The following PWP1 variants were observed in gnomAD, a reference collection of about 807,000 sequenced individuals.
The protein encoded by PWP1 is periodic tryptophan protein 1 homolog.
In PWP1, 47 loss-of-function variants were observed where a neutral mutation model predicts 69.9. The observed-to-expected ratio is 0.67, with a 90% CI of 0.53 to 0.86. PWP1 has a LOEUF of 0.86. Among genes scored for constraint, PWP1 ranks in the 40% least tolerant of loss-of-function variants. The pLI is 0.00. For synonymous variants in PWP1, 222 were observed against 208.2 expected, an observed-to-expected ratio of 1.07 and a Z score of -0.57; for missense variants, 551 against 608.8, an observed-to-expected ratio of 0.91 and a Z score of 1.00.
Position 107,712,543 on chromosome 12 carries a change from T to TA in PWP1, c.*327dup. The TA allele has an allele frequency of 5.6e-6, 1 of 178,540 alleles. No individual in the cohort carries two copies. Among genetic ancestry groups the TA allele is most frequent in the Non-Finnish European group, 1.2e-5 (1 of 84,698 alleles). 11.1% of individuals were successfully genotyped at this position (178,540 alleles called of 1,614,324 possible). A position where few individuals can be genotyped will look rare whatever the true frequency, so the allele number is the denominator to read the frequency against. ...AGTAATTTATAGAATTTTTAAAGCG[T>TA]AAAATCCGGTAATATTAAAAGATAG... On this transcript the variant is annotated 3_prime_UTR_variant, in exon 15 of 15. Transcript: ENST00000412830.
At chr12:107,688,940 C>A in intron 3 of PWP1, 138 bp downstream of exon 3, 1 of 850,720 alleles carries the variant, frequency 1.2e-6, no homozygotes, top group Non-Finnish European at 1.8e-6. Flanking sequence ...CTTGGGCAGA[C>A]AGCATGATTC....
intron 11 of PWP1, 59 bp downstream of exon 11, chr12:107,704,806 CATAGT>C (rs1181829305): frequency 7.3e-7 from 1 of 1,366,374 alleles, no homozygotes; most frequent in Non-Finnish European, 1.0e-6. Flanking sequence ...TTTTAAATTC[CATAGT>C]AGAGAGAATT....
chr12:107,692,670 G>A lies in PWP1; in HGVS notation c.320-144G>A, dbSNP rs1047461862. ...CTTTTAAATTCCTGCTGCTGCTTACGTAGTTTCCTTTCCCAACTCTAGATG... is the reference window on the plus strand; with the variant it reads ...CTTTTAAATTCCTGCTGCTGCTTACATAGTTTCCTTTCCCAACTCTAGATG... On this transcript the variant is annotated intron_variant, in intron 3 of 14. Coordinates refer to ENST00000412830, the MANE Select transcript of PWP1 (RefSeq NM_007062.3). The A allele has an allele frequency of 1.8e-5, 12 of 665,564 alleles. 1 individual carries two copies. The highest frequency in any genetic ancestry group is 8.8e-5 in the South Asian group (4 of 45,400). 41.2% of individuals were successfully genotyped at this position (665,564 alleles called of 1,614,324 possible).
chr12:107,686,696 GT>G (rs1369417756), intron 1 of PWP1, among the ~76,000 whole-genome samples: 1 of 152,248 alleles, frequency 6.6e-6, no homozygotes, highest in African/African-American at 2.4e-5. Flanking sequence ...GCCGGGCGCG[GT>G]GGCTCACGCC....
chr12:107,709,360 G>A, intron 13 of PWP1, 128 bp downstream of exon 13: 1 of 1,238,606 alleles, frequency 8.1e-7, no homozygotes, highest in East Asian at 2.4e-5. Context: ...TTGGGGAAGT[G>A]AATTTTGAGT....
chr12:107,691,485 C>T (rs991130464), intron 3 of PWP1, among the ~76,000 whole-genome samples: 4 of 152,120 alleles, frequency 2.6e-5, no homozygotes, highest in African/African-American at 4.8e-5. Context: ...AACAGGTTGG[C>T]AGATAGGGTG....
chr12:107,688,668 G>C lies in PWP1; in HGVS notation c.185G>C (p.Gly62Ala). 2 of 1,614,204 alleles carry C rather than the reference G, an allele frequency of 1.2e-6. No homozygotes were observed. The highest frequency in any genetic ancestry group is 1.7e-6 in the Non-Finnish European group (2 of 1,180,026). Residue 62 changes from glycine (G) to alanine (A), a missense_variant, in exon 3 of 15, where the codon GGC (glycine) becomes GCC (alanine). Coordinates refer to ENST00000412830, the MANE Select transcript of PWP1 (RefSeq NM_007062.3). Reference sequence around the variant, plus strand: ...GAGACAGGCAGTCCTTCAGAAGATGGCATGCAGAGTGCACGCACCCAGGCA... The same window carrying C: ...GAGACAGGCAGTCCTTCAGAAGATGCCATGCAGAGTGCACGCACCCAGGCA... ...EEETGSPSED[G>A]MQSARTQARP...
At chr12:107,686,069 G>C (rs1566074987) in intron 1 of PWP1, 98 bp downstream of exon 1, 1 of 1,362,494 alleles carries the variant, frequency 7.3e-7, no homozygotes, top group Admixed American at 1.8e-5. Context: ...CGGGGCGTTG[G>C]CTGGTGCGAC....
intron 13 of PWP1, 77 bp downstream of exon 13, chr12:107,709,309 G>GT: frequency 6.5e-7 from 1 of 1,529,496 alleles, no homozygotes; most frequent in South Asian, 1.2e-5. Flanking sequence ...TGTGTTGCGT[G>GT]TTTTTCTGTT....
chr12:107,708,263 AAAG>A (rs1219177813), intron 11 of PWP1, among the ~76,000 whole-genome samples: 3 of 152,152 alleles, frequency 2.0e-5, no homozygotes, highest in Non-Finnish European at 4.4e-5. Context: ...TCTCATCTCA[AAAG>A]AAGAGCCAAG....
At chr12:107,702,137 T>G (rs921323801) in intron 8 of PWP1, among the ~76,000 whole-genome samples, 1 of 152,206 alleles carries the variant, frequency 6.6e-6, no homozygotes, top group Non-Finnish European at 1.5e-5. Context: ...CTGTAGATTT[T>G]CAGTAAGTTT....
In PWP1 at chr12:107,713,048, A is replaced by T. The variant is rs1170005761; in HGVS notation, c.*828A>T. 6.6e-6 allele frequency: 1 copy of T among 152,224 alleles called. No homozygotes were observed. Among genetic ancestry groups the T allele is most frequent in the Non-Finnish European group, 1.5e-5 (1 of 68,038 alleles). 9.4% of individuals were successfully genotyped at this position (152,224 alleles called of 1,614,324 possible). ...ATTTCCTGTATATTTCATGAATGTG[A>T]CTTCAGTCATTCTAGTGTTAATACT... is the stretch of plus-strand genomic sequence containing the variant. On this transcript the variant is annotated 3_prime_UTR_variant, in exon 15 of 15. Coordinates refer to ENST00000412830, the MANE Select transcript of PWP1 (RefSeq NM_007062.3).
chr12:107,700,352 C>G (rs1889682339), intron 8 of PWP1, among the ~76,000 whole-genome samples: 1 of 152,114 alleles, frequency 6.6e-6, no homozygotes, highest in Non-Finnish European at 1.5e-5. Context: ...CCCCATTTCC[C>G]CCACCCCCAG....
At chr12:107,704,878 G>A (rs974540213) in intron 11 of PWP1, 131 bp downstream of exon 11, 2 of 634,506 alleles carry the variant, frequency 3.2e-6, no homozygotes, top group Admixed American at 3.5e-5. Flanking sequence ...AGGGTTGAAA[G>A]CATAAGGTGT....
chr12:107,694,897 T>G (rs1262365381), intron 5 of PWP1, among the ~76,000 whole-genome samples: 1 of 152,126 alleles, frequency 6.6e-6, no homozygotes, highest in African/African-American at 2.4e-5. Flanking sequence ...AAGAATAACT[T>G]CAAATTTATA....
intron 11 of PWP1, among the ~76,000 whole-genome samples, chr12:107,706,374 G>A (rs1889824211): frequency 6.6e-6 from 1 of 152,086 alleles, no homozygotes. Flanking sequence ...AGTTTCTTTT[G>A]CTGTGCAGAA....
rs376988632 is a variant in PWP1, at chr12:107,693,208, G to A, written c.502+112G>A. ...GATCCTATTGTATCTCATTTAAGTT[G>A]GTTACATAGTTAACTTTTACACAGG... On this transcript the variant is annotated intron_variant, in intron 5 of 14. Coordinates refer to ENST00000412830, the MANE Select transcript of PWP1 (RefSeq NM_007062.3). The A allele has an allele frequency of 4.6e-5, 65 of 1,418,714 alleles. No individual in the cohort carries two copies. In the South Asian group the frequency reaches 5.9e-4, roughly 13 times the overall value. The allele number at this position is 1,418,714 out of a possible 1,614,324, so 87.9% of individuals were successfully genotyped here. A position where few individuals can be genotyped will look rare whatever the true frequency, so the allele number is the denominator to read the frequency against.
chr12:107,702,839 T>A, intron 8 of PWP1, 96 bp from the exon 9 acceptor site: 1 of 765,678 alleles, frequency 1.3e-6, no homozygotes, highest in Admixed American at 2.2e-5. Flanking sequence ...CTAAGTATTT[T>A]ATTCTTTCTG....
chr12:107,697,509 T>C lies in PWP1; in HGVS notation c.656T>C (p.Val219Ala). ...AVGNMTPVIE[V>A]WDLDIVDSLE... ...GGAAACATGACCCCTGTTATTGAAG[T>C]GTGGGACCTTGATATAGTGGACTCT... is the stretch of plus-strand genomic sequence containing the variant. Residue 219 changes from valine to alanine, a missense_variant, in exon 7 of 15, where the codon GTG becomes GCG. Transcript: ENST00000412830. 6.2e-7 allele frequency: 1 copy of C among 1,606,994 alleles called. No individual in the cohort carries two copies. Among genetic ancestry groups the C allele is most frequent in the Non-Finnish European group, 8.5e-7 (1 of 1,177,436 alleles).
Sources: allele counts gnomAD v4.1 joint callset (sites outside exome capture counted in the v4.1 genomes callset), GRCh38; gene constraint gnomAD v4.1.1; transcripts MANE v1.5; gene names NCBI Gene and HGNC (gene_info 2026-07-23, HGNC 2026-07-21).